Variants in EPB41L3 observed in about 807,000 individuals in gnomAD.
The protein encoded by EPB41L3 is erythrocyte membrane protein band 4.1 like 3, also known as band 4.1-like protein 3.
In EPB41L3, 57 loss-of-function variants were observed where a neutral mutation model predicts 127.1. The observed-to-expected ratio is 0.45, with a 90% CI of 0.36 to 0.56. The LOEUF is 0.56. EPB41L3 is among the 20% of genes least tolerant of loss of function. The probability of loss-of-function intolerance (pLI) is 0.00; values close to 1 mark genes in which losing one functional copy is unlikely to be tolerated. For synonymous variants in EPB41L3, 572 were observed against 549.5 expected, an observed-to-expected ratio of 1.04 and a Z score of -0.57; for missense variants, 1,273 against 1,372.2, an observed-to-expected ratio of 0.93 and a Z score of 1.14.
chr18:5,403,590 C>CAAA (rs199992647), intron 16 of EPB41L3, among the ~76,000 whole-genome samples: 8 of 102,650 alleles, frequency 7.8e-5, no homozygotes, highest in Admixed American at 1.1e-4. Flanking sequence ...TCACTGAGAC[C>CAAA]AAAAAAAAAA....
intron 3 of EPB41L3, among the ~76,000 whole-genome samples, chr18:5,610,836 T>C (rs1332344089): frequency 6.6e-6 from 1 of 152,178 alleles, no homozygotes; most frequent in Non-Finnish European, 1.5e-5. Flanking sequence ...GAAAAATAAT[T>C]AACATGTCAT....
At chr18:5,420,702 CTTAA>C (rs1252945382) in intron 11 of EPB41L3, among the ~76,000 whole-genome samples, 3 of 152,110 alleles carry the variant, frequency 2.0e-5, no homozygotes, top group East Asian at 1.9e-4. Flanking sequence ...TGAAAAGATG[CTTAA>C]TTAAGTTTTA....
At chr18:5,470,774 G>A (rs951410895) in intron 3 of EPB41L3, among the ~76,000 whole-genome samples, 13 of 152,206 alleles carry the variant, frequency 8.5e-5, no homozygotes, top group Admixed American at 6.5e-4. Context: ...GAAATTATAA[G>A]TATAGATCTA....
intron 1 of EPB41L3, among the ~76,000 whole-genome samples, chr18:5,538,560 T>C (rs1189057799): frequency 6.6e-6 from 1 of 152,248 alleles, no homozygotes; most frequent in Non-Finnish European, 1.5e-5. Context: ...CACAGGCATG[T>C]ACAAAAATGA....
At chr18:5,456,454 C>G (rs1337061441) in intron 3 of EPB41L3, among the ~76,000 whole-genome samples, 1 of 151,986 alleles carries the variant, frequency 6.6e-6, no homozygotes, top group Non-Finnish European at 1.5e-5. Flanking sequence ...TATGTAAGAC[C>G]TGTAATGAAA....
At chr18:5,586,394 T>C (rs1035593363) in intron 3 of EPB41L3, among the ~76,000 whole-genome samples, 2 of 116,502 alleles carry the variant, frequency 1.7e-5, no homozygotes, top group Non-Finnish European at 3.4e-5. Context: ...GATTTTCTTT[T>C]TCTTTTTTGT....
rs373780287 is a variant in EPB41L3, at chr18:5,410,603, G to A, written c.2084C>T (p.Thr695Met). The A allele has an allele frequency of 9.3e-6, 15 of 1,613,264 alleles. No homozygotes were observed. Among genetic ancestry groups the A allele is most frequent in the East Asian group, 4.5e-5 (2 of 44,880 alleles). ...SSEEETDSER[T>M]DTAADGETTA... ...GGTCTCCCCGTCGGCTGCGGTGTCCGTGCGCTCACTGTCAGTCTGTTGACC... is the reference window on the plus strand; with the variant it reads ...GGTCTCCCCGTCGGCTGCGGTGTCCATGCGCTCACTGTCAGTCTGTTGACC... The change falls in exon 14 of 23, where the codon ACG (threonine) becomes ATG (methionine). Residue 695 changes from threonine (T) to methionine (M), a missense_variant. Physicochemically the swap from Thr to Met is moderately conservative, Grantham distance 81 (BLOSUM62 -1). Around this residue, in one of 3 missense-constraint regions of EPB41L3, gnomAD observed 765 missense variants for 782.9 expected, o/e 0.98. Coordinates refer to ENST00000341928, the MANE Select transcript of EPB41L3 (RefSeq NM_012307.5).
At chr18:5,489,859 C>T (rs534552934) in intron 1 of EPB41L3, among the ~76,000 whole-genome samples, 1 of 152,200 alleles carries the variant, frequency 6.6e-6, no homozygotes, top group East Asian at 1.9e-4. Flanking sequence ...TGGCTTCCCC[C>T]TATTTCCATT....
intron 1 of EPB41L3, among the ~76,000 whole-genome samples, chr18:5,500,224 G>A (rs1245794252): frequency 1.3e-5 from 2 of 152,118 alleles, no homozygotes; most frequent in African/African-American, 4.8e-5. Flanking sequence ...AGAGAAAAAG[G>A]TAGCATATTT....
intron 19 of EPB41L3, among the ~76,000 whole-genome samples, chr18:5,395,928 G>A (rs894563951): frequency 6.6e-6 from 1 of 152,064 alleles, no homozygotes; most frequent in Non-Finnish European, 1.5e-5. Context: ...GTGGTGGATG[G>A]GTGAGTGAAT....
At position 5,395,209 on chromosome 18, in the gene EPB41L3, T is replaced by C; in HGVS notation, c.3073-62A>G. On this transcript the variant is annotated intron_variant, in intron 20 of 22. Coordinates refer to ENST00000341928, the MANE Select transcript of EPB41L3 (RefSeq NM_012307.5). ...ACTGGGAGAAACCATCATGGTTCAG[T>C]AGGGGGAAATGGCCGAAGATGCTGA... is the stretch of plus-strand genomic sequence containing the variant. 7.8e-6 allele frequency: 11 copies of C among 1,401,820 alleles called. 1 individual carries two copies. The South Asian group carries it at 9.2e-5, about 12-fold the overall frequency. The allele number at this position is 1,401,820 out of a possible 1,614,324, so 86.8% of individuals were successfully genotyped here. A position where few individuals can be genotyped will look rare whatever the true frequency, so the allele number is the denominator to read the frequency against.
chr18:5,456,989 G>A (rs968819791), intron 3 of EPB41L3, among the ~76,000 whole-genome samples: 2 of 152,198 alleles, frequency 1.3e-5, no homozygotes, highest in African/African-American at 4.8e-5. Flanking sequence ...CAACCTGCAG[G>A]GAATGGTAGT....
intron 16 of EPB41L3, among the ~76,000 whole-genome samples, chr18:5,401,957 A>G (rs897944286): frequency 2.6e-5 from 4 of 152,138 alleles, no homozygotes; most frequent in African/African-American, 9.6e-5. Context: ...CTTTTAAAAT[A>G]CATCTTATCA....
chr18:5,422,732 T>C (rs760602629), intron 11 of EPB41L3, among the ~76,000 whole-genome samples: 1 of 152,214 alleles, frequency 6.6e-6, no homozygotes, highest in Non-Finnish European at 1.5e-5. Flanking sequence ...AAAAATTCAC[T>C]GTTGTGTTAT....
chr18:5,570,662 T>C (rs1270263376), intron 3 of EPB41L3: 2 of 152,206 alleles, frequency 1.3e-5, no homozygotes, highest in African/African-American at 2.4e-5. Flanking sequence ...TGCAGGTTTG[T>C]TACATATGTA....
chr18:5,497,547 T>C (rs543127869), intron 1 of EPB41L3, among the ~76,000 whole-genome samples: 56 of 152,298 alleles, frequency 3.7e-4, no homozygotes, highest in African/African-American at 1.3e-3. Context: ...GGATCCCTAG[T>C]GGCAAAAATA....
chr18:5,588,654 T>G (rs1329141909), intron 3 of EPB41L3, among the ~76,000 whole-genome samples: 1 of 151,998 alleles, frequency 6.6e-6, no homozygotes, highest in African/African-American at 2.4e-5. Context: ...AAGTACAGTG[T>G]TAGAGGTGAA....
upstream of EPB41L3, among the ~76,000 whole-genome samples, chr18:5,548,867 A>G (rs1052258389): frequency 2.6e-5 from 4 of 152,230 alleles, no homozygotes; most frequent in South Asian, 2.1e-4. Context: ...TATTAAATTC[A>G]GCTCTCAACC....
intron 8 of EPB41L3, among the ~76,000 whole-genome samples, chr18:5,430,159 G>A (rs2078789248): frequency 6.6e-6 from 1 of 152,146 alleles, no homozygotes; most frequent in African/African-American, 2.4e-5. Context: ...CCTTCATGAG[G>A]AAGATGAAGA....
Sources: allele counts gnomAD v4.1 joint callset (sites outside exome capture counted in the v4.1 genomes callset), GRCh38; gene constraint gnomAD v4.1.1; regional missense constraint gnomAD v4.1.1; transcripts MANE v1.5; gene names NCBI Gene and HGNC (gene_info 2026-07-23, HGNC 2026-07-21).